Variants in PCDH11Y observed in about 807,000 individuals in gnomAD.
PCDH11Y encodes protocadherin 11 Y-linked.
For synonymous variants in PCDH11Y, 9 were observed against 83.6 expected (o/e 0.11, Z 4.87); for missense variants, 12 against 224.8 (o/e 0.05, Z 6.05).
At chrY:5,619,474 G>A (rs2124702064) in intron 4 of PCDH11Y, among the ~76,000 whole-genome samples, 4 of 33,048 alleles carry the variant, frequency 1.2e-4, no homozygotes, top group Admixed American at 8.4e-4. Flanking sequence ...AATATGACAC[G>A]AAACTATAAA....
chrY:5,536,172 C>T (rs2053400211), intron 3 of PCDH11Y, among the ~76,000 whole-genome samples: 19 of 31,690 alleles, frequency 6.0e-4, no homozygotes, highest in Non-Finnish European at 1.2e-3. Flanking sequence ...GTGATCTGCC[C>T]GCCTCAGCCT....
chrY:5,726,970 G>A (rs2053599311), intron 4 of PCDH11Y, among the ~76,000 whole-genome samples: 2 of 32,833 alleles, frequency 6.1e-5, no homozygotes, highest in African/African-American at 1.2e-4. Flanking sequence ...CATTTTAAAC[G>A]TTAATCTCCT....
At chrY:5,405,972 T>C in intron 2 of PCDH11Y, among the ~76,000 whole-genome samples, 1 of 32,185 alleles carries the variant, frequency 3.1e-5, no homozygotes, top group East Asian at 8.2e-4. Context: ...AACTATATGC[T>C]TACTTTTCAT....
chrY:5,410,286 G>C, intron 2 of PCDH11Y, among the ~76,000 whole-genome samples: 1 of 31,989 alleles, frequency 3.1e-5, no homozygotes, highest in South Asian at 7.2e-4. Flanking sequence ...CAGGAGAATC[G>C]CTTGAACCCG....
chrY:5,043,565 A>C, intron 3 of PCDH11Y, among the ~76,000 whole-genome samples: 1 of 33,442 alleles, frequency 3.0e-5, no homozygotes, highest in Non-Finnish European at 7.4e-5. Context: ...TATTGGTCTA[A>C]AATTCTCTTT....
intron 1 of PCDH11Y, among the ~76,000 whole-genome samples, chrY:5,089,531 C>T: frequency 1.5e-4 from 5 of 33,591 alleles, no homozygotes; most frequent in African/African-American, 5.8e-4. Context: ...CTGTCATTCA[C>T]CCACTATAGC....
chrY:5,512,954 C>A, intron 3 of PCDH11Y, among the ~76,000 whole-genome samples: 1 of 33,484 alleles, frequency 3.0e-5, no homozygotes, highest in Non-Finnish European at 7.3e-5. Flanking sequence ...GAGACTTTCT[C>A]TTCTTTCTGT....
chrY:5,567,919 T>C, intron 3 of PCDH11Y, among the ~76,000 whole-genome samples: 1 of 31,995 alleles, frequency 3.1e-5, no homozygotes, highest in Non-Finnish European at 7.6e-5. Context: ...GTGTCAGAAA[T>C]GCTTTATTTT....
At chrY:5,211,854 G>C (rs2052938982) in intron 2 of PCDH11Y, among the ~76,000 whole-genome samples, 29 of 32,678 alleles carry the variant, frequency 8.9e-4, no homozygotes, top group African/African-American at 3.5e-3. Flanking sequence ...GTCCAGGCTG[G>C]TCTGGAACTC....
chrY:5,363,598 A>G (rs2053177019), intron 2 of PCDH11Y, among the ~76,000 whole-genome samples: 1 of 30,383 alleles, frequency 3.3e-5, no homozygotes, highest in African/African-American at 1.3e-4. Flanking sequence ...CTAGGATGCA[A>G]ATGTTTTGGC....
chrY:5,124,141 G>A, intron 2 of PCDH11Y, among the ~76,000 whole-genome samples: 1 of 33,284 alleles, frequency 3.0e-5, no homozygotes, highest in Non-Finnish European at 7.5e-5. Flanking sequence ...TATTTTTGGA[G>A]CAATGTTTTC....
At chrY:5,603,240 A>T in intron 4 of PCDH11Y, among the ~76,000 whole-genome samples, 1 of 28,069 alleles carries the variant, frequency 3.6e-5, no homozygotes, top group Admixed American at 3.6e-4. Flanking sequence ...TAGTCAATAC[A>T]TTCTTAGTAC....
intron 2 of PCDH11Y, among the ~76,000 whole-genome samples, chrY:5,346,485 G>GT (rs2053152762): frequency 6.3e-5 from 2 of 31,933 alleles, no homozygotes; most frequent in Admixed American, 2.9e-4. Context: ...AGTCATTTAT[G>GT]TTTTTTTTGT....
chrY:5,713,723 G>C, intron 4 of PCDH11Y, among the ~76,000 whole-genome samples: 1 of 30,915 alleles, frequency 3.2e-5, no homozygotes, highest in Non-Finnish European at 7.7e-5. Flanking sequence ...GGGTGCACTT[G>C]AATGCAGGTT....
At chrY:5,067,801 A>G (rs2052689567) in intron 1 of PCDH11Y, among the ~76,000 whole-genome samples, 1 of 31,158 alleles carries the variant, frequency 3.2e-5, no homozygotes, top group African/African-American at 1.3e-4. Flanking sequence ...TCACGAGGTC[A>G]GGAGATTGAG....
chrY:5,484,386 G>A (rs2053329586), intron 2 of PCDH11Y, among the ~76,000 whole-genome samples: 1 of 30,045 alleles, frequency 3.3e-5, no homozygotes, highest in Non-Finnish European at 7.9e-5. Flanking sequence ...TTGAAGAGAC[G>A]TAGCAGGGTA....
At chrY:5,371,101 C>A in intron 2 of PCDH11Y, among the ~76,000 whole-genome samples, 1 of 32,556 alleles carries the variant, frequency 3.1e-5, no homozygotes, top group Non-Finnish European at 7.5e-5. Context: ...AAAAACTGAA[C>A]TATTATTTTG....
chrY:5,046,654 C>G (rs1602849105), intron 3 of PCDH11Y, among the ~76,000 whole-genome samples: 1 of 32,922 alleles, frequency 3.0e-5, no homozygotes, highest in African/African-American at 1.3e-4. Context: ...TTGGAGCTTC[C>G]GGGCTGCTTT....
intron 2 of PCDH11Y, among the ~76,000 whole-genome samples, chrY:5,196,113 A>G: frequency 6.0e-5 from 2 of 33,531 alleles, no homozygotes; most frequent in African/African-American, 2.3e-4. Flanking sequence ...TTGGTTCTTA[A>G]AAAACAGTCA....
Sources: allele counts gnomAD v4.1 joint callset (sites outside exome capture counted in the v4.1 genomes callset), GRCh38; gene constraint gnomAD v4.1.1; transcripts MANE v1.5; gene names NCBI Gene and HGNC (gene_info 2026-07-23, HGNC 2026-07-21).